KIAA1210: variants seen among roughly 807,000 people sequenced by gnomAD.
KIAA1210 encodes the protein acrosomal protein KIAA1210.
In KIAA1210, 48 loss-of-function variants were observed where a neutral mutation model predicts 78.9. That is an observed-to-expected ratio of 0.61 (90% CI 0.48 to 0.77). The LOEUF (loss-of-function observed/expected upper bound fraction) is 0.77. Ranked by LOEUF, KIAA1210 falls within the 30% of genes least tolerant of loss-of-function variation. The pLI is 0.00. For missense variants in KIAA1210, 1,108 were observed against 1,100.0 expected (o/e 1.01, Z -0.10); for synonymous variants, 406 against 404.5 (o/e 1.00, Z -0.04).
At chrX:119,113,435 G>A (rs1928147085) in intron 3 of KIAA1210, among the ~76,000 whole-genome samples, 1 of 111,714 alleles carries the variant, frequency 9.0e-6, no homozygotes. Context: ...TAAGTGAAAG[G>A]AAGCCAGTCA....
At chrX:119,118,597 C>T (rs1363773727) in intron 2 of KIAA1210, among the ~76,000 whole-genome samples, 2 of 112,250 alleles carry the variant, frequency 1.8e-5, no homozygotes, top group African/African-American at 3.2e-5. Flanking sequence ...CTTTGAAATG[C>T]TATGACTTAT....
chrX:119,115,079 T>C (rs1266596208), intron 3 of KIAA1210, among the ~76,000 whole-genome samples: 2 of 111,485 alleles, frequency 1.8e-5, no homozygotes, highest in Non-Finnish European at 1.9e-5. Context: ...ACTAATTGCT[T>C]CAGTGAATGA....
At chrX:119,108,904 G>A (rs1927981515) in intron 4 of KIAA1210, among the ~76,000 whole-genome samples, 172 bp downstream of exon 4, 1 of 110,668 alleles carries the variant, frequency 9.0e-6, no homozygotes, top group African/African-American at 3.3e-5. Flanking sequence ...CAGGTAATAG[G>A]CACATTATAT....
intron 2 of KIAA1210, among the ~76,000 whole-genome samples, chrX:119,117,768 A>G (rs1928320771): frequency 9.2e-6 from 1 of 108,521 alleles, no homozygotes; most frequent in Non-Finnish European, 1.9e-5. Flanking sequence ...GATTTTTTGT[A>G]GAGACGACGC....
Position 119,121,216 on chromosome X carries a change from C to T in KIAA1210, c.61+2366G>A, listed in dbSNP as rs555742965. ...TCTTTTTTAAAGTGTGGTGGGGGCA[C>T]CTTTCAATCACCAGCAGCTAAGCCC... On this transcript the variant is annotated intron_variant, in intron 2 of 11. Coordinates refer to ENST00000691062, the MANE Select transcript of KIAA1210 (RefSeq NM_001394962.1). Among the ~76,000 whole-genome samples the T allele has an allele frequency of 2.7e-5, 3 of 111,688 alleles. No homozygotes were observed. The Admixed American group carries it at 2.9e-4, about 11-fold the overall frequency.
At chrX:119,139,221 A>G (rs1360073714) in intron 2 of KIAA1210, among the ~76,000 whole-genome samples, 1 of 111,402 alleles carries the variant, frequency 9.0e-6, no homozygotes, top group African/African-American at 3.3e-5. Context: ...CTGGGAGGTG[A>G]GGGCTCCAAA....
Position 119,086,638 on chromosome X carries a change from T to C in KIAA1210, c.4064A>G (p.Asn1355Ser). 1 of 1,211,266 alleles carries C rather than the reference T, an allele frequency of 8.3e-7. No homozygotes were observed. The change falls in exon 9 of 12, where the codon AAC becomes AGC. Residue 1355 changes from asparagine (N) to serine (S), a missense_variant. Physicochemically the swap from Asn to Ser is conservative, Grantham distance 46. Around this residue, in one of 5 missense-constraint regions of KIAA1210, gnomAD observed 245 missense variants for 278.8 expected, o/e 0.88. Coordinates refer to ENST00000691062, the MANE Select transcript of KIAA1210 (RefSeq NM_001394962.1). ...TSQGLLDAAG[N>S]LTKISYVADK... is the part of the protein sequence containing the mutation. ...TGCAACGTAAGATATTTTGGTGAGG[T>C]TCCCTGCAGCATCCAGGAGCCCCTG...
At chrX:119,105,911 G>A (rs1927880027) in intron 5 of KIAA1210, among the ~76,000 whole-genome samples, 1 of 111,624 alleles carries the variant, frequency 9.0e-6, no homozygotes, top group South Asian at 3.8e-4. Context: ...AACAAATACT[G>A]GCCAAGAATC....
intron 1 of KIAA1210, among the ~76,000 whole-genome samples, chrX:119,149,541 G>A (rs1325255788): frequency 9.0e-6 from 1 of 111,655 alleles, no homozygotes; most frequent in Non-Finnish European, 1.9e-5. Context: ...TAAGGGAAAA[G>A]AAGAGTGTTC....
chrX:119,103,087 G>A (rs1171258228), intron 6 of KIAA1210, among the ~76,000 whole-genome samples: 4 of 111,267 alleles, frequency 3.6e-5, no homozygotes, highest in Admixed American at 9.6e-5. Context: ...CCCAATATCC[G>A]CCTTTTCCCC....
chrX:119,081,140 G>A lies in KIAA1210; in HGVS notation c.*189C>T, dbSNP rs1000213295. ...AAATTAGCCGGGCGTGATGGCGGGC[G>A]CCTGTAGTCCCAGCTAGTCGGGAGA... On this transcript the variant is annotated 3_prime_UTR_variant, in exon 12 of 12. Coordinates refer to ENST00000691062, the MANE Select transcript of KIAA1210 (RefSeq NM_001394962.1). 2 of 301,578 alleles carry A rather than the reference G, an allele frequency of 6.6e-6. No homozygotes were observed. Among genetic ancestry groups the A allele is most frequent in the Non-Finnish European group, 1.1e-5 (2 of 177,582 alleles). The allele number at this position is 301,578 out of a possible 1,213,427, so 24.9% of individuals were successfully genotyped here. A position where few individuals can be genotyped will look rare whatever the true frequency, so the allele number is the denominator to read the frequency against.
chrX:119,094,865 G>T (rs149018822), intron 7 of KIAA1210, among the ~76,000 whole-genome samples: 3 of 111,622 alleles, frequency 2.7e-5, no homozygotes, highest in East Asian at 5.6e-4. Context: ...AAGTTAGAAG[G>T]GTCATACTGC....
upstream of KIAA1210, among the ~76,000 whole-genome samples, chrX:119,150,925 C>T (rs766438905): frequency 1.8e-5 from 2 of 112,632 alleles, no homozygotes; most frequent in South Asian, 3.7e-4. Context: ...GTCGGCTGCG[C>T]CCGCCACTTA....
chrX:119,129,908 G>T (rs370730338), upstream of KIAA1210, among the ~76,000 whole-genome samples: 177 of 111,783 alleles, frequency 1.6e-3, 1 homozygote, highest in African/African-American at 5.3e-3. Context: ...CCTTTTAGAG[G>T]CATCACTGTA....
chrX:119,084,114 G>A (rs1186083766), intron 10 of KIAA1210, among the ~76,000 whole-genome samples: 7 of 104,910 alleles, frequency 6.7e-5, no homozygotes, highest in Non-Finnish European at 1.2e-4. Flanking sequence ...TTAAAGCAAA[G>A]AGTTAAACAC....
At chrX:119,094,216 A>C in intron 7 of KIAA1210, 1 of 444,075 alleles carries the variant, frequency 2.3e-6, no homozygotes, top group Non-Finnish European at 3.9e-6. Flanking sequence ...TTTTCAGGGA[A>C]TGTAATGAAA....
intron 6 of KIAA1210, among the ~76,000 whole-genome samples, chrX:119,102,116 G>C (rs1927752528): frequency 8.9e-6 from 1 of 112,798 alleles, no homozygotes; most frequent in African/African-American, 3.2e-5. Flanking sequence ...TATGGATTTG[G>C]TCAGGAGTCC....
intron 2 of KIAA1210, among the ~76,000 whole-genome samples, chrX:119,142,482 G>A (rs1569325017): frequency 9.0e-6 from 1 of 111,513 alleles, no homozygotes; most frequent in African/African-American, 3.3e-5. Context: ...ATTACATGGT[G>A]AAAGAAAGGA....
chrX:119,144,477 A>T (rs1180490724), intron 2 of KIAA1210, among the ~76,000 whole-genome samples: 1 of 112,381 alleles, frequency 8.9e-6, no homozygotes, highest in East Asian at 2.8e-4. Context: ...GCTGTAGCAT[A>T]GACAGCTAGG....
Sources: gnomAD v4.1 joint callset for allele counts (sites outside exome capture counted in the v4.1 genomes callset) on GRCh38, gnomAD v4.1.1 for gene constraint, gnomAD v4.1.1 regional missense constraint, MANE v1.5 for transcripts, NCBI Gene and HGNC (gene_info 2026-07-23, HGNC 2026-07-21) for gene names.